Variants in AGAP1 observed in about 807,000 individuals in gnomAD.
AGAP1 encodes the protein arf-GAP with GTPase, ANK repeat and PH domain-containing protein 1.
A neutral mutation model predicts 105.3 loss-of-function variants in AGAP1; 29 were observed. The ratio of observed to expected loss-of-function variants is 0.28; its 90% CI spans 0.21 to 0.38. AGAP1 has a LOEUF of 0.38. AGAP1 is among the 10% of genes least tolerant of loss of function. AGAP1 has a pLI of 1.00. For missense variants in AGAP1, 998 were observed against 1,165.1 expected (o/e 0.86, Z 2.09); for synonymous variants, 509 against 485.9 (o/e 1.05, Z -0.63).
intron 1 of AGAP1, among the ~76,000 whole-genome samples, chr2:235,657,964 C>T (rs1947828404): frequency 1.3e-5 from 2 of 152,146 alleles, no homozygotes; most frequent in Admixed American, 1.3e-4. Context: ...GCCGAGAGAC[C>T]TCAAAAGAGA....
At chr2:235,613,799 C>T (rs1050546814) in intron 1 of AGAP1, among the ~76,000 whole-genome samples, 1 of 152,208 alleles carries the variant, frequency 6.6e-6, no homozygotes, top group Non-Finnish European at 1.5e-5. Flanking sequence ...TGGCGCGGGC[C>T]TCCCTGTAGA....
At position 235,905,845 on chromosome 2, in the gene AGAP1, A is replaced by G. The variant is rs1319057175; in HGVS notation, c.1156-2893A>G. Among the ~76,000 whole-genome samples the G allele has an allele frequency of 1.3e-5, 2 of 152,176 alleles. No individual in the cohort carries two copies. Among genetic ancestry groups the G allele is most frequent in the African/African-American group, 4.8e-5 (2 of 41,444 alleles). On this transcript the variant is annotated intron_variant, in intron 10 of 17. Coordinates refer to ENST00000304032, the MANE Select transcript of AGAP1 (RefSeq NM_001037131.3). This position sits in a 1 kb window ranked among gnomAD's most constrained non-coding sequence, Gnocchi z 4.2. The stretch of plus-strand genomic sequence containing the variant: ...CCCTCAACACAGCGCAGTCCTGAGA[A>G]TTCCTGTGCCGCTTCCAGCTCTAGC...
rs970717841 is a variant in AGAP1, at chr2:235,930,440, C to T, written c.1325-325C>T. Among the ~76,000 whole-genome samples the T allele has an allele frequency of 2.0e-5, 3 of 152,196 alleles. No homozygotes were observed. The highest frequency in any genetic ancestry group is 3.9e-4 in the East Asian group (2 of 5,184). On this transcript the variant is annotated intron_variant, in intron 11 of 17. Coordinates refer to ENST00000304032, the MANE Select transcript of AGAP1 (RefSeq NM_001037131.3). The surrounding 1 kb of genome is among the most constrained non-coding windows in gnomAD (Gnocchi z 7.9). Reference sequence around the variant, plus strand: ...CCGGATCGCGGTGTCTCTGCTAAGACTCGCTGGGTCTTTTGTCTTCACTTC... The same window carrying T: ...CCGGATCGCGGTGTCTCTGCTAAGATTCGCTGGGTCTTTTGTCTTCACTTC...
At chr2:235,926,139 G>A (rs4663218) in intron 11 of AGAP1, among the ~76,000 whole-genome samples, 61,291 of 152,072 alleles carry the variant, frequency 0.4, 12,785 homozygotes, top group Admixed American at 0.49. Context: ...AGGTCAATTA[G>A]TTAATGACAT....
chr2:235,554,667 G>A (rs1237595333), intron 1 of AGAP1, among the ~76,000 whole-genome samples: 3 of 152,114 alleles, frequency 2.0e-5, no homozygotes, highest in African/African-American at 7.2e-5. Flanking sequence ...TTAAAATCAC[G>A]GAACCATTTC....
chr2:235,711,408 T>G (rs1950846961), intron 2 of AGAP1, among the ~76,000 whole-genome samples: 1 of 152,246 alleles, frequency 6.6e-6, no homozygotes, highest in African/African-American at 2.4e-5. Flanking sequence ...CAAAAACTTG[T>G]GCTCTGCCGG....
chr2:235,879,889 G>C lies in AGAP1; in HGVS notation c.1051-3456G>C, dbSNP rs950821219. Among the ~76,000 whole-genome samples, 2 of 152,106 alleles carry C rather than the reference G, an allele frequency of 1.3e-5. No homozygotes were observed. The highest frequency in any genetic ancestry group is 4.8e-5 in the African/African-American group (2 of 41,410). ...TTCAAGGTTGCAGTGAGCTGTAATTGCATCAGTACACTGCACTCCAACCTG... is the reference window on the plus strand; with the variant it reads ...TTCAAGGTTGCAGTGAGCTGTAATTCCATCAGTACACTGCACTCCAACCTG... On this transcript the variant is annotated intron_variant, in intron 9 of 17. Transcript: ENST00000304032. This position sits in a 1 kb window ranked among gnomAD's most constrained non-coding sequence, Gnocchi z 5.0.
At chr2:235,718,527 TC>T (rs769609425) in intron 3 of AGAP1, 6 of 539,096 alleles carry the variant, frequency 1.1e-5, no homozygotes, top group Non-Finnish European at 1.4e-5. Context: ...ATCTTTTTCT[TC>T]AGTTGAACAT....
intron 5 of AGAP1, among the ~76,000 whole-genome samples, chr2:235,745,512 G>A (rs3768957): frequency 0.022 from 3,300 of 152,306 alleles, 106 homozygotes; most frequent in African/African-American, 0.068. Flanking sequence ...AAGATGTCAC[G>A]TAGGATGTTT....
At chr2:235,667,686 C>T (rs879705099) in intron 1 of AGAP1, among the ~76,000 whole-genome samples, 4 of 152,066 alleles carry the variant, frequency 2.6e-5, no homozygotes, top group Admixed American at 6.6e-5. Flanking sequence ...TTTAGCCTGG[C>T]GTGGTGGCTC....
intron 1 of AGAP1, among the ~76,000 whole-genome samples, chr2:235,637,876 G>A (rs1193720754): frequency 6.6e-6 from 1 of 152,138 alleles, no homozygotes; most frequent in Admixed American, 6.5e-5. Flanking sequence ...CCGAGTGCAG[G>A]AAGAGACAGA....
At chr2:235,613,152 T>C (rs1294053671) in intron 1 of AGAP1, among the ~76,000 whole-genome samples, 1 of 150,326 alleles carries the variant, frequency 6.7e-6, no homozygotes, top group Non-Finnish European at 1.5e-5. Flanking sequence ...GGCACCACCA[T>C]GCCCAGCTAA....
At chr2:235,529,033 C>T (rs1009050524) in intron 1 of AGAP1, among the ~76,000 whole-genome samples, 4 of 152,328 alleles carry the variant, frequency 2.6e-5, no homozygotes, top group African/African-American at 7.2e-5. Flanking sequence ...GATTCTCCTG[C>T]TGTGTGTCTT....
chr2:235,631,188 G>A lies in AGAP1; in HGVS notation c.164-77991G>A, dbSNP rs561772021. ...GTTCATTACTTCTGCAAATAAACAC[G>A]TTGAAGAGCCTCCTTCCAGTGGGTA... On this transcript the variant is annotated intron_variant, in intron 1 of 17. Coordinates refer to ENST00000304032, the MANE Select transcript of AGAP1 (RefSeq NM_001037131.3). This position sits in a 1 kb window ranked among gnomAD's most constrained non-coding sequence, Gnocchi z 5.4. 1.3e-5 allele frequency among the ~76,000 whole-genome samples: 2 copies of A among 152,144 alleles called. No homozygotes were observed. Among genetic ancestry groups the A allele is most frequent in the African/African-American group, 2.4e-5 (1 of 41,436 alleles).
At chr2:235,519,985 A>G (rs935880895) in intron 1 of AGAP1, among the ~76,000 whole-genome samples, 2 of 152,144 alleles carry the variant, frequency 1.3e-5, no homozygotes, top group Non-Finnish European at 2.9e-5. Flanking sequence ...GGGTTTCACC[A>G]TGTCCAGGCT....
rs914138227 is a variant in AGAP1 at position 236,128,666 on chromosome 2, TC to T, written c.*4547del. ...TGGCGCCCAGGACACCAACTCTCCCTCCCTGCACTTAGGATGTTCTGGAAAT... is the reference window on the plus strand; with the variant it reads ...TGGCGCCCAGGACACCAACTCTCCCTCCTGCACTTAGGATGTTCTGGAAAT... On this transcript the variant is annotated 3_prime_UTR_variant, in exon 18 of 18. Coordinates refer to ENST00000304032, the MANE Select transcript of AGAP1 (RefSeq NM_001037131.3). The surrounding 1 kb of genome is among the most constrained non-coding windows in gnomAD (Gnocchi z 5.9). The T allele has an allele frequency of 6.6e-6, 1 of 152,130 alleles. No homozygotes were observed. The highest frequency in any genetic ancestry group is 2.4e-5 in the African/African-American group (1 of 41,402). 9.4% of individuals were successfully genotyped at this position (152,130 alleles called of 1,614,324 possible).
chr2:235,528,386 G>C (rs760306588), intron 1 of AGAP1, among the ~76,000 whole-genome samples: 72 of 135,804 alleles, frequency 5.3e-4, no homozygotes, highest in Non-Finnish European at 9.2e-4. Context: ...CCCACTGGCG[G>C]TTTCATTTTT....
chr2:235,867,250 T>TA lies in AGAP1; in HGVS notation c.1051-16094dup, dbSNP rs2049216794. 6.6e-6 allele frequency among the ~76,000 whole-genome samples: 1 copy of TA among 152,132 alleles called. No homozygotes were observed. Among genetic ancestry groups the TA allele is most frequent in the Non-Finnish European group, 1.5e-5 (1 of 68,020 alleles). ...CTTCTATAAAAGGCTGGAGAGGAGG[T>TA]ATGTTAGGCTTCATGGGTCGTGTGG... On this transcript the variant is annotated intron_variant, in intron 9 of 17. Coordinates refer to ENST00000304032, the MANE Select transcript of AGAP1 (RefSeq NM_001037131.3). This position sits in a 1 kb window ranked among gnomAD's most constrained non-coding sequence, Gnocchi z 5.4.
At chr2:235,995,811 C>A (rs1250481972) in intron 13 of AGAP1, among the ~76,000 whole-genome samples, 1 of 152,184 alleles carries the variant, frequency 6.6e-6, no homozygotes, top group African/African-American at 2.4e-5. Flanking sequence ...GAGGATGACC[C>A]TGTGGTGGTA....
Sources: gnomAD v4.1 joint callset for allele counts (sites outside exome capture counted in the v4.1 genomes callset) on GRCh38, gnomAD v4.1.1 for gene constraint, Gnocchi (gnomAD v3.1) non-coding constraint, MANE v1.5 for transcripts, NCBI Gene and HGNC (gene_info 2026-07-23, HGNC 2026-07-21) for gene names.